The following GRIK1 variants were observed in gnomAD, a reference collection of about 807,000 sequenced individuals.
GRIK1 encodes glutamate receptor ionotropic, kainate 1.
In GRIK1, 69 loss-of-function variants were observed where a neutral mutation model predicts 105.7. That is an observed-to-expected ratio of 0.65 (90% CI 0.54 to 0.80). GRIK1 has a LOEUF of 0.80. GRIK1 is among the 30% of genes least tolerant of loss of function. GRIK1 has a pLI of 0.00. For synonymous variants in GRIK1, 438 were observed against 431.3 expected (o/e 1.02, Z -0.19); for missense variants, 1,109 against 1,167.3 (o/e 0.95, Z 0.73).
chr21:29,560,361 C>T (rs12233312), intron 15 of GRIK1, among the ~76,000 whole-genome samples: 1,420 of 34,820 alleles, frequency 0.041, 56 homozygotes, highest in African/African-American at 0.053. Flanking sequence ...CTTTCTTTTT[C>T]TTTCTTCCTT....
chr21:29,851,404 G>A (rs2068299898), intron 1 of GRIK1, among the ~76,000 whole-genome samples: 1 of 152,176 alleles, frequency 6.6e-6, no homozygotes, highest in African/African-American at 2.4e-5. Flanking sequence ...GAGCAACACA[G>A]ATTGTTTACA....
chr21:29,615,386 T>G (rs934412791), intron 7 of GRIK1, among the ~76,000 whole-genome samples: 1 of 152,134 alleles, frequency 6.6e-6, no homozygotes, highest in Non-Finnish European at 1.5e-5. Flanking sequence ...CTCTGCTCAC[T>G]GTAACTTCTG....
intron 1 of GRIK1, among the ~76,000 whole-genome samples, chr21:29,820,506 T>A (rs889818837): frequency 2.6e-4 from 40 of 152,072 alleles, no homozygotes; most frequent in African/African-American, 9.4e-4. Flanking sequence ...GGTAGCAGAA[T>A]GGGGAGGAAA....
At chr21:29,874,976 A>G (rs562867821) in intron 1 of GRIK1, among the ~76,000 whole-genome samples, 1 of 147,964 alleles carries the variant, frequency 6.8e-6, no homozygotes, top group South Asian at 2.2e-4. Context: ...TTTTTTCATC[A>G]GAGATCATAT....
intron 4 of GRIK1, among the ~76,000 whole-genome samples, chr21:29,661,165 G>T (rs2062954375): frequency 6.6e-6 from 1 of 152,158 alleles, no homozygotes; most frequent in African/African-American, 2.4e-5. Context: ...AATGATTATA[G>T]CTTACATCTA....
At chr21:29,787,514 A>G (rs547824963) in intron 1 of GRIK1, among the ~76,000 whole-genome samples, 1 of 152,368 alleles carries the variant, frequency 6.6e-6, no homozygotes, top group African/African-American at 2.4e-5. Flanking sequence ...TGGCAAGTAT[A>G]GCTCACTAAT....
At chr21:29,661,908 G>A (rs1225347244) in intron 4 of GRIK1, among the ~76,000 whole-genome samples, 3 of 152,160 alleles carry the variant, frequency 2.0e-5, no homozygotes, top group African/African-American at 7.2e-5. Flanking sequence ...ATGTACACAG[G>A]TGATAAGCTA....
At chr21:29,886,236 C>T (rs1353754486) in intron 1 of GRIK1, among the ~76,000 whole-genome samples, 6 of 152,096 alleles carry the variant, frequency 3.9e-5, no homozygotes, top group Admixed American at 1.3e-4. Flanking sequence ...GGGATCATAA[C>T]TAATATTAAT....
At chr21:29,598,525 T>G (rs1182957939) in intron 8 of GRIK1, among the ~76,000 whole-genome samples, 6 of 152,244 alleles carry the variant, frequency 3.9e-5, no homozygotes, top group Non-Finnish European at 7.3e-5. Context: ...TGTTAAAAGC[T>G]TTAAGACATG....
chr21:29,766,159 T>C (rs1454693897), intron 1 of GRIK1, among the ~76,000 whole-genome samples: 1 of 152,096 alleles, frequency 6.6e-6, no homozygotes, highest in East Asian at 1.9e-4. Flanking sequence ...AGAAAGTTCT[T>C]CTTTAGACAA....
At chr21:29,646,142 T>C (rs535121567) in intron 6 of GRIK1, among the ~76,000 whole-genome samples, 1 of 152,184 alleles carries the variant, frequency 6.6e-6, no homozygotes, top group African/African-American at 2.4e-5. Context: ...TGAATGCCTA[T>C]TTTTGCTGGC....
At chr21:29,796,203 G>A (rs1445472130) in intron 1 of GRIK1, among the ~76,000 whole-genome samples, 1 of 151,982 alleles carries the variant, frequency 6.6e-6, no homozygotes, top group Non-Finnish European at 1.5e-5. Context: ...ATTCTTAGTG[G>A]GCTAAATAAT....
chr21:29,791,386 G>A (rs187896996), intron 1 of GRIK1, among the ~76,000 whole-genome samples: 8 of 152,268 alleles, frequency 5.3e-5, no homozygotes, highest in Non-Finnish European at 4.4e-5. Context: ...TGCTTTATAA[G>A]AGTGGAGTCG....
intron 1 of GRIK1, among the ~76,000 whole-genome samples, chr21:29,786,479 C>A (rs530736573): frequency 6.6e-6 from 1 of 152,272 alleles, no homozygotes; most frequent in South Asian, 2.1e-4. Context: ...ACCCTCTACA[C>A]CCCTATTCTA....
At chr21:29,813,322 A>G (rs947853590) in intron 1 of GRIK1, among the ~76,000 whole-genome samples, 18 of 152,172 alleles carry the variant, frequency 1.2e-4, no homozygotes, top group African/African-American at 4.3e-4. Context: ...AGCATTTGGC[A>G]CTTTACCCAA....
intron 1 of GRIK1, among the ~76,000 whole-genome samples, chr21:29,781,542 G>A (rs1389126771): frequency 6.7e-6 from 1 of 149,066 alleles, no homozygotes; most frequent in Non-Finnish European, 1.5e-5. Flanking sequence ...AATGTCTATA[G>A]TTGTTGTATG....
intron 1 of GRIK1, among the ~76,000 whole-genome samples, chr21:29,879,274 G>A (rs369312065): frequency 3.9e-5 from 6 of 152,192 alleles, no homozygotes; most frequent in South Asian, 2.1e-4. Context: ...AGTTCTTAGG[G>A]AAGTCAGGTA....
chr21:29,672,880 C>A, intron 4 of GRIK1, 103 bp downstream of exon 4: 2 of 793,436 alleles, frequency 2.5e-6, no homozygotes, highest in East Asian at 2.5e-5. Flanking sequence ...AACGGGACTG[C>A]TGCAGTTTTA....
intron 1 of GRIK1, among the ~76,000 whole-genome samples, chr21:29,830,878 A>G (rs1207788434): frequency 6.6e-6 from 1 of 152,290 alleles, no homozygotes; most frequent in East Asian, 1.9e-4. Context: ...AGGTGATGAA[A>G]TAGTGCAACA....
Sources: gnomAD v4.1 joint callset for allele counts (sites outside exome capture counted in the v4.1 genomes callset) on GRCh38, gnomAD v4.1.1 for gene constraint, MANE v1.5 for transcripts, NCBI Gene and HGNC (gene_info 2026-07-23, HGNC 2026-07-21) for gene names.